MCTP1: variants seen among roughly 807,000 people sequenced by gnomAD.
MCTP1 encodes the protein multiple C2 and transmembrane domain-containing protein 1.
MCTP1 carries 69 observed loss-of-function variants against 120.6 expected under a neutral mutation model. The observed-to-expected ratio is 0.57, with a 90% CI of 0.47 to 0.70. The LOEUF is 0.70. Among genes scored for constraint, MCTP1 ranks in the 30% least tolerant of loss-of-function variants. The pLI, the probability that MCTP1 is intolerant of heterozygous loss-of-function variation, is 0.00. For synonymous variants in MCTP1, 529 were observed against 493.1 expected (o/e 1.07, Z -0.96); for missense variants, 1,203 against 1,248.8 (o/e 0.96, Z 0.55).
intron 10 of MCTP1, among the ~76,000 whole-genome samples, chr5:94,903,289 T>C (rs1372153750): frequency 3.3e-5 from 5 of 152,212 alleles, no homozygotes; most frequent in Non-Finnish European, 1.5e-5. Context: ...AAAGGAAGCA[T>C]TGTAGTTTTG....
At chr5:95,258,925 G>C (rs79530281) in intron 1 of MCTP1, among the ~76,000 whole-genome samples, 1 of 152,106 alleles carries the variant, frequency 6.6e-6, no homozygotes, top group Non-Finnish European at 1.5e-5. Context: ...ATCAGATCCC[G>C]CCCCTAAGGC....
chr5:95,105,088 A>G (rs1464510604), intron 1 of MCTP1, among the ~76,000 whole-genome samples: 1 of 152,166 alleles, frequency 6.6e-6, no homozygotes, highest in Non-Finnish European at 1.5e-5. Flanking sequence ...TGCTGTATAT[A>G]TTTTGTGTAA....
chr5:95,017,316 G>T, intron 2 of MCTP1, 51 bp downstream of exon 2: 1 of 1,125,688 alleles, frequency 8.9e-7, no homozygotes. Context: ...AACAAAGTTT[G>T]TCATAAACAC....
chr5:94,915,111 A>G lies in MCTP1; in HGVS notation c.1351-2135T>C, dbSNP rs369730715. On this transcript the variant is annotated intron_variant, in intron 8 of 22. Coordinates refer to ENST00000515393, the MANE Select transcript of MCTP1 (RefSeq NM_024717.7). ...TTTTAGCAAAGATCAAGGAGCTAAT[A>G]GCTGCCAACTTATATAGAGCTTTAG... Among the ~76,000 whole-genome samples, 26 of 152,358 alleles carry G rather than the reference A, an allele frequency of 1.7e-4. No homozygotes were observed. The East Asian group carries it at 5.0e-3, about 29-fold the overall frequency.
chr5:95,247,614 G>T (rs967239175), intron 1 of MCTP1, among the ~76,000 whole-genome samples: 1 of 152,164 alleles, frequency 6.6e-6, no homozygotes, highest in Non-Finnish European at 1.5e-5. Context: ...TGGTTTCAAA[G>T]AACATCTTTA....
chr5:94,899,162 A>G (rs1581245305), intron 10 of MCTP1, among the ~76,000 whole-genome samples: 1 of 152,334 alleles, frequency 6.6e-6, no homozygotes, highest in South Asian at 2.1e-4. Flanking sequence ...GTATAGACTG[A>G]CTATCCTCTT....
At chr5:94,753,519 T>C (rs1768999555) in intron 19 of MCTP1, among the ~76,000 whole-genome samples, 1 of 152,236 alleles carries the variant, frequency 6.6e-6, no homozygotes, top group Admixed American at 6.5e-5. Context: ...AATCATGTTA[T>C]TGCTAGGAAA....
At chr5:94,979,416 CTT>C (rs1828904618) in intron 2 of MCTP1, 1 of 152,072 alleles carries the variant, frequency 6.6e-6, no homozygotes, top group Admixed American at 6.6e-5. Context: ...TCAGATGGGA[CTT>C]TGACTGTTTC....
At chr5:95,165,081 C>A (rs1027756241) in intron 1 of MCTP1, among the ~76,000 whole-genome samples, 3 of 152,092 alleles carry the variant, frequency 2.0e-5, no homozygotes, top group Non-Finnish European at 4.4e-5. Context: ...TCACATGGCC[C>A]CACCTAGATT....
intron 1 of MCTP1, among the ~76,000 whole-genome samples, chr5:95,223,000 C>T (rs992757032): frequency 1.3e-5 from 2 of 152,194 alleles, no homozygotes; most frequent in Non-Finnish European, 2.9e-5. Flanking sequence ...GGAGATTTCT[C>T]CCTTGCTGAG....
chr5:94,904,963 A>T (rs1218343765), intron 10 of MCTP1, among the ~76,000 whole-genome samples: 1 of 152,226 alleles, frequency 6.6e-6, no homozygotes, highest in Non-Finnish European at 1.5e-5. Flanking sequence ...TAAGATGCAT[A>T]GTTTGCCATA....
intron 10 of MCTP1, among the ~76,000 whole-genome samples, chr5:94,905,983 A>G (rs1159720087): frequency 2.6e-5 from 4 of 151,938 alleles, no homozygotes; most frequent in African/African-American, 7.3e-5. Flanking sequence ...AAAAACAAGG[A>G]GCATGCGGTG....
intron 17 of MCTP1, among the ~76,000 whole-genome samples, chr5:94,839,781 T>C (rs1218110353): frequency 6.6e-6 from 1 of 152,162 alleles, no homozygotes; most frequent in African/African-American, 2.4e-5. Context: ...AATTTTCTTT[T>C]AGATCTTTGA....
chr5:95,125,404 C>T (rs1301863915), intron 1 of MCTP1, among the ~76,000 whole-genome samples: 1 of 152,162 alleles, frequency 6.6e-6, no homozygotes, highest in Admixed American at 6.5e-5. Context: ...ACCTTAGCTG[C>T]CACCTGAGTC....
intron 2 of MCTP1, among the ~76,000 whole-genome samples, chr5:94,976,046 C>A (rs1393501691): frequency 6.6e-6 from 1 of 152,106 alleles, no homozygotes; most frequent in African/African-American, 2.4e-5. Flanking sequence ...GTAACCAGTA[C>A]TTAAGTTGCA....
intron 1 of MCTP1, among the ~76,000 whole-genome samples, chr5:95,119,458 G>A (rs1758048560): frequency 1.3e-5 from 2 of 152,076 alleles, no homozygotes; most frequent in African/African-American, 4.8e-5. Context: ...AGCTAACAAT[G>A]CATCTTTAAA....
chr5:94,909,391 A>C lies in MCTP1; in HGVS notation c.1522-10T>G. The C allele has an allele frequency of 1.9e-6, 3 of 1,570,710 alleles. No homozygotes were observed. In the East Asian group the frequency reaches 6.9e-5, roughly 36 times the overall value. On this transcript the variant is annotated splice_polypyrimidine_tract_variant and intron_variant, in intron 9 of 22. Transcript: ENST00000515393. ...ACGTTTTTGGCATAATCTGGAAAAAAAAATCATAATTGTCATATTGCTAGC... is the reference window on the plus strand; with the variant it reads ...ACGTTTTTGGCATAATCTGGAAAAACAAATCATAATTGTCATATTGCTAGC...
chr5:95,246,595 T>A (rs1756817726), intron 1 of MCTP1, among the ~76,000 whole-genome samples: 1 of 152,092 alleles, frequency 6.6e-6, no homozygotes, highest in East Asian at 1.9e-4. Flanking sequence ...AGAGATCAAT[T>A]CAACAAGAAG....
intron 19 of MCTP1, among the ~76,000 whole-genome samples, chr5:94,726,864 T>C (rs1031028626): frequency 6.6e-6 from 1 of 152,182 alleles, no homozygotes; most frequent in Non-Finnish European, 1.5e-5. Flanking sequence ...TTCGGTACAT[T>C]GTTTTAGATA....
Sources: gnomAD v4.1 joint callset for allele counts (sites outside exome capture counted in the v4.1 genomes callset) on GRCh38, gnomAD v4.1.1 for gene constraint, MANE v1.5 for transcripts, NCBI Gene and HGNC (gene_info 2026-07-23, HGNC 2026-07-21) for gene names.